The following PLCXD2 variants were observed in gnomAD, a reference collection of about 807,000 sequenced individuals.
PLCXD2 encodes phosphatidylinositol specific phospholipase C X domain containing 2.
PLCXD2 carries 21 observed loss-of-function variants against 28.6 expected under a neutral mutation model. The ratio of observed to expected loss-of-function variants is 0.73; its 90% CI spans 0.52 to 1.06. The LOEUF (loss-of-function observed/expected upper bound fraction) is 1.06. PLCXD2 is among the 50% of genes least tolerant of loss of function. The pLI, the probability that PLCXD2 is intolerant of heterozygous loss-of-function variation, is 0.00. For synonymous variants in PLCXD2, 140 were observed against 150.1 expected (o/e 0.93, Z 0.49); for missense variants, 369 against 376.7 (o/e 0.98, Z 0.17).
intron 1 of PLCXD2, among the ~76,000 whole-genome samples, chr3:111,703,568 G>T (rs1941076833): frequency 6.6e-6 from 1 of 152,204 alleles, no homozygotes; most frequent in Non-Finnish European, 1.5e-5. Context: ...GCCCAGGGAA[G>T]AATTAAGTTC....
chr3:111,677,669 C>T (rs973401100), intron 1 of PLCXD2, among the ~76,000 whole-genome samples: 2 of 152,170 alleles, frequency 1.3e-5, no homozygotes, highest in African/African-American at 2.4e-5. Context: ...TGTATTTAAG[C>T]CCCTGTGTAG....
At chr3:111,704,556 G>A (rs753211388) in intron 1 of PLCXD2, among the ~76,000 whole-genome samples, 3 of 152,088 alleles carry the variant, frequency 2.0e-5, no homozygotes, top group Non-Finnish European at 4.4e-5. Flanking sequence ...CACACCCCCT[G>A]CCCTTTTATT....
chr3:111,689,438 G>C (rs1484702016), intron 1 of PLCXD2, among the ~76,000 whole-genome samples: 3 of 152,174 alleles, frequency 2.0e-5, no homozygotes, highest in Non-Finnish European at 4.4e-5. Flanking sequence ...TGACAATTTT[G>C]GGCTTGAAGA....
rs182995809 is a variant in PLCXD2 at position 111,697,666 on chromosome 3, G to A, written c.164-10260G>A. Among the ~76,000 whole-genome samples, 7 of 152,102 alleles carry A rather than the reference G, an allele frequency of 4.6e-5. No homozygotes were observed. In the East Asian group the frequency reaches 1.2e-3, roughly 25 times the overall value. On this transcript the variant is annotated intron_variant, in intron 1 of 4. Coordinates refer to ENST00000477665, the MANE Select transcript of PLCXD2 (RefSeq NM_001185106.1). ...ACTGTTTTTTCCATTTCAAATAATG[G>A]ATTATATAGGCTTCTACTCTCAAAA... is the stretch of plus-strand genomic sequence containing the variant.
At chr3:111,726,617 T>C (rs1401382650) in intron 3 of PLCXD2, 2 of 152,220 alleles carry the variant, frequency 1.3e-5, no homozygotes, top group African/African-American at 4.8e-5. Flanking sequence ...CACATATGCT[T>C]CTTGATATTC....
intron 3 of PLCXD2, chr3:111,720,949 G>A (rs1033057830): frequency 2.4e-6 from 1 of 414,212 alleles, no homozygotes; most frequent in Non-Finnish European, 4.4e-6. Flanking sequence ...AGGATGTCCT[G>A]TTAGGATGGC....
intron 3 of PLCXD2, among the ~76,000 whole-genome samples, chr3:111,716,141 A>T (rs34444935): frequency 0.048 from 7,265 of 152,298 alleles, 257 homozygotes; most frequent in Middle Eastern, 0.075. Context: ...CGGCCATAAG[A>T]ATATTGCAAG....
intron 1 of PLCXD2, among the ~76,000 whole-genome samples, chr3:111,684,175 C>T (rs112218621): frequency 0.026 from 3,985 of 151,672 alleles, 58 homozygotes; most frequent in Non-Finnish European, 0.04. Context: ...ACTAAAAATA[C>T]AAAAATTAGC....
chr3:111,692,662 A>C (rs558661800), intron 1 of PLCXD2: 1 of 152,354 alleles, frequency 6.6e-6, no homozygotes, highest in South Asian at 2.1e-4. Context: ...AGGGTAACCA[A>C]ATTAAAATCA....
At chr3:111,684,777 A>G (rs1576453800) in intron 1 of PLCXD2, among the ~76,000 whole-genome samples, 1 of 152,274 alleles carries the variant, frequency 6.6e-6, no homozygotes, top group East Asian at 1.9e-4. Flanking sequence ...CACAAAGTAT[A>G]TGGGAACTAG....
At chr3:111,696,543 C>T (rs1940964304) in intron 1 of PLCXD2, among the ~76,000 whole-genome samples, 1 of 151,996 alleles carries the variant, frequency 6.6e-6, no homozygotes, top group African/African-American at 2.4e-5. Flanking sequence ...ATAGCCGCAC[C>T]TGGTTTTTTT....
At chr3:111,694,061 A>G (rs1322356289) in intron 1 of PLCXD2, among the ~76,000 whole-genome samples, 1 of 152,264 alleles carries the variant, frequency 6.6e-6, no homozygotes, top group Non-Finnish European at 1.5e-5. Context: ...AAGTGAAAGT[A>G]TACTGCAGCT....
Position 111,675,392 on chromosome 3 carries a change from C to T in PLCXD2, c.147C>T (p.Ser49=), listed in dbSNP as rs762889185. Residue 49 remains serine, a synonymous_variant, in exon 1 of 5, where the codon TCC becomes TCT. Transcript: ENST00000477665. ...CTCACCTCCACAACCTCCCCCTTTC[C>T]AATCTGGCAATCCCAGGTATTCGTC... 1 of 1,614,172 alleles carries T rather than the reference C, an allele frequency of 6.2e-7. No homozygotes were observed. Among genetic ancestry groups the T allele is most frequent in the East Asian group, 2.2e-5 (1 of 44,878 alleles).
At chr3:111,693,379 C>T (rs1178282558) in intron 1 of PLCXD2, among the ~76,000 whole-genome samples, 1 of 152,192 alleles carries the variant, frequency 6.6e-6, no homozygotes, top group Admixed American at 6.5e-5. Context: ...GCAGTGACGA[C>T]CTGCTGCATT....
At chr3:111,680,311 A>C (rs1940693551) in intron 1 of PLCXD2, among the ~76,000 whole-genome samples, 1 of 152,164 alleles carries the variant, frequency 6.6e-6, no homozygotes, top group African/African-American at 2.4e-5. Flanking sequence ...GCACAAAATA[A>C]ATTGTGTAAC....
intron 2 of PLCXD2, among the ~76,000 whole-genome samples, chr3:111,713,157 A>G (rs535875994): frequency 2.0e-5 from 3 of 152,386 alleles, no homozygotes; most frequent in African/African-American, 7.2e-5. Context: ...TACAGGAGAC[A>G]TAACTTCTAG....
At chr3:111,719,283 T>C (rs914367759) in intron 3 of PLCXD2, among the ~76,000 whole-genome samples, 2 of 152,198 alleles carry the variant, frequency 1.3e-5, no homozygotes, top group Admixed American at 6.5e-5. Flanking sequence ...CATGAAAATA[T>C]GTCACTGAGA....
chr3:111,715,217 G>A (rs1941252414), intron 3 of PLCXD2, among the ~76,000 whole-genome samples: 1 of 152,190 alleles, frequency 6.6e-6, no homozygotes. Context: ...ACTTGGAAAA[G>A]TGAATTTTAT....
intron 1 of PLCXD2, among the ~76,000 whole-genome samples, chr3:111,687,897 T>A (rs1051177213): frequency 7.9e-5 from 12 of 152,226 alleles, no homozygotes; most frequent in African/African-American, 2.9e-4. Context: ...GGTCTCAAAC[T>A]CCTGAGCTCA....
Sources: allele counts gnomAD v4.1 joint callset (sites outside exome capture counted in the v4.1 genomes callset), GRCh38; gene constraint gnomAD v4.1.1; transcripts MANE v1.5; gene names NCBI Gene and HGNC (gene_info 2026-07-23, HGNC 2026-07-21).